The following FGF14 variants were observed in gnomAD, a reference collection of about 807,000 sequenced individuals.
The protein encoded by FGF14 is fibroblast growth factor homologous factor 4.
A neutral mutation model predicts 25.5 loss-of-function variants in FGF14; 5 were observed. The ratio of observed to expected loss-of-function variants is 0.20; its 90% CI spans 0.10 to 0.41. The LOEUF is 0.41. FGF14 is among the 10% of genes least tolerant of loss of function. FGF14 has a pLI of 1.00. For synonymous variants in FGF14, 138 were observed against 118.3 expected, an observed-to-expected ratio of 1.17 and a Z score of -1.08; for missense variants, 222 against 320.1, an observed-to-expected ratio of 0.69 and a Z score of 2.34.
intron 1 of FGF14, among the ~76,000 whole-genome samples, chr13:101,956,078 C>G (rs1184779502): frequency 6.6e-6 from 1 of 152,132 alleles, no homozygotes; most frequent in Non-Finnish European, 1.5e-5. Flanking sequence ...ATTGTCACTT[C>G]ATCATCTCAA....
intron 1 of FGF14, among the ~76,000 whole-genome samples, chr13:101,905,897 T>C (rs912940880): frequency 7.9e-5 from 12 of 151,996 alleles, no homozygotes; most frequent in African/African-American, 2.9e-4. Context: ...CCACTATGAG[T>C]TCCTGGAAAA....
intron 3 of FGF14, among the ~76,000 whole-genome samples, chr13:101,754,025 G>A (rs1158906128): frequency 1.3e-5 from 2 of 152,146 alleles, no homozygotes; most frequent in African/African-American, 4.8e-5. Flanking sequence ...TGGAGACCAC[G>A]TATGCCCGCG....
intron 3 of FGF14, among the ~76,000 whole-genome samples, chr13:101,846,170 A>G (rs2043448569): frequency 1.3e-5 from 2 of 152,048 alleles, no homozygotes; most frequent in Admixed American, 6.6e-5. Flanking sequence ...ATGTCTATCA[A>G]TGAAATGAAC....
chr13:102,213,625 G>A (rs891392366), intron 1 of FGF14, among the ~76,000 whole-genome samples: 13 of 152,096 alleles, frequency 8.5e-5, no homozygotes, highest in Non-Finnish European at 1.8e-4. Flanking sequence ...CAATGTTAAC[G>A]AAAAAAGCAA....
At chr13:102,343,735 T>C (rs923474547) in intron 1 of FGF14, among the ~76,000 whole-genome samples, 1 of 152,226 alleles carries the variant, frequency 6.6e-6, no homozygotes, top group African/African-American at 2.4e-5. Context: ...TTTAGAAGCA[T>C]AGCAGAATCT....
chr13:102,237,229 C>T (rs183879155), intron 1 of FGF14, among the ~76,000 whole-genome samples: 7 of 152,326 alleles, frequency 4.6e-5, no homozygotes, highest in Non-Finnish European at 8.8e-5. Context: ...CATTCAAAAA[C>T]CCTAGAGACT....
intron 3 of FGF14, among the ~76,000 whole-genome samples, chr13:101,786,890 A>G (rs1047390962): frequency 6.6e-6 from 1 of 152,128 alleles, no homozygotes; most frequent in South Asian, 2.1e-4. Flanking sequence ...CTTTTAAGAA[A>G]CTTGAAAAGA....
At chr13:102,036,302 A>G (rs1284375133) in intron 1 of FGF14, among the ~76,000 whole-genome samples, 1 of 152,152 alleles carries the variant, frequency 6.6e-6, no homozygotes, top group Non-Finnish European at 1.5e-5. Context: ...TATGCTAGCC[A>G]GTCTTATGTA....
At chr13:101,812,611 C>CTATATATA (rs35878751) in intron 3 of FGF14, among the ~76,000 whole-genome samples, 4 of 12,374 alleles carry the variant, frequency 3.2e-4, no homozygotes, top group Admixed American at 1.6e-3. Flanking sequence ...ATTTTTAAAA[C>CTATATATA]TATATATATA....
At chr13:102,009,189 T>C (rs2039956088) in intron 1 of FGF14, among the ~76,000 whole-genome samples, 1 of 152,216 alleles carries the variant, frequency 6.6e-6, no homozygotes, top group Non-Finnish European at 1.5e-5. Flanking sequence ...GTATTGTGTG[T>C]GTCTATAAGA....
chr13:101,737,208 C>G (rs1246206931), intron 3 of FGF14, among the ~76,000 whole-genome samples: 1 of 151,346 alleles, frequency 6.6e-6, no homozygotes, highest in Non-Finnish European at 1.5e-5. Flanking sequence ...CCCCAAGAAT[C>G]TGGAAAAAGA....
intron 1 of FGF14, among the ~76,000 whole-genome samples, chr13:101,959,667 C>A (rs1224911838): frequency 6.6e-6 from 1 of 152,190 alleles, no homozygotes; most frequent in African/African-American, 2.4e-5. Context: ...AAGCAAATTT[C>A]TCTGATTTCT....
At chr13:102,033,882 C>T (rs1251834370) in intron 1 of FGF14, among the ~76,000 whole-genome samples, 2 of 152,072 alleles carry the variant, frequency 1.3e-5, no homozygotes, top group East Asian at 1.9e-4. Context: ...TGGAGACGTA[C>T]AGTGTGGAGA....
intron 1 of FGF14, among the ~76,000 whole-genome samples, chr13:102,299,253 G>T (rs1195605580): frequency 6.6e-6 from 1 of 151,986 alleles, no homozygotes; most frequent in Non-Finnish European, 1.5e-5. Context: ...AATTAGGGTG[G>T]TTGAGTCTGA....
intron 1 of FGF14, chr13:102,373,336 T>G (rs1000801634): frequency 6.6e-6 from 1 of 152,202 alleles, no homozygotes; most frequent in Non-Finnish European, 1.5e-5. Context: ...TTTCTGAAAG[T>G]GCCTAACTTT....
chr13:102,180,321 A>C (rs2048617089), intron 1 of FGF14, among the ~76,000 whole-genome samples: 1 of 151,972 alleles, frequency 6.6e-6, no homozygotes, highest in Non-Finnish European at 1.5e-5. Flanking sequence ...ATTACTTTTT[A>C]CTTTTTTTTG....
chr13:101,863,122 TTGTTA>T (rs2044510536), intron 3 of FGF14, among the ~76,000 whole-genome samples: 1 of 152,154 alleles, frequency 6.6e-6, no homozygotes, highest in African/African-American at 2.4e-5. Flanking sequence ...GTGTCATAGA[TTGTTA>T]TAATAATTGG....
intron 1 of FGF14, among the ~76,000 whole-genome samples, chr13:101,875,616 C>T (rs903688422): frequency 6.6e-6 from 1 of 152,030 alleles, no homozygotes; most frequent in Admixed American, 6.6e-5. Flanking sequence ...TTATTATAAA[C>T]AATATTATCA....
chr13:101,782,419 G>T (rs2039553907), intron 3 of FGF14, among the ~76,000 whole-genome samples: 1 of 152,172 alleles, frequency 6.6e-6, no homozygotes, highest in South Asian at 2.1e-4. Context: ...AGGTACATGT[G>T]CAGGTTTGTT....
Sources: gnomAD v4.1 joint callset for allele counts (sites outside exome capture counted in the v4.1 genomes callset) on GRCh38, gnomAD v4.1.1 for gene constraint, MANE v1.5 for transcripts, NCBI Gene and HGNC (gene_info 2026-07-23, HGNC 2026-07-21) for gene names.